The following SEZ6L variants were observed in gnomAD, a reference collection of about 807,000 sequenced individuals.
SEZ6L encodes seizure 6-like protein.
A neutral mutation model predicts 106.2 loss-of-function variants in SEZ6L; 37 were observed. The observed-to-expected ratio is 0.35, with a 90% CI of 0.27 to 0.46. SEZ6L has a LOEUF of 0.46. SEZ6L is among the 20% of genes least tolerant of loss of function. The probability of loss-of-function intolerance (pLI) is 1.00; values close to 1 mark genes in which losing one functional copy is unlikely to be tolerated. For missense variants in SEZ6L, 1,172 were observed against 1,332.8 expected (o/e 0.88, Z 1.88); for synonymous variants, 541 against 570.4 (o/e 0.95, Z 0.73).
intron 12 of SEZ6L, among the ~76,000 whole-genome samples, chr22:26,357,515 C>T (rs1441316127): frequency 1.3e-5 from 2 of 152,148 alleles, no homozygotes; most frequent in Admixed American, 6.5e-5. Flanking sequence ...TGTTTCTGTC[C>T]TCAGAATTCC....
chr22:26,361,163 G>A (rs1474268886), intron 12 of SEZ6L, among the ~76,000 whole-genome samples: 5 of 152,036 alleles, frequency 3.3e-5, no homozygotes, highest in Non-Finnish European at 5.9e-5. Flanking sequence ...ATTATACTGT[G>A]CAATCTAAAT....
intron 12 of SEZ6L, among the ~76,000 whole-genome samples, chr22:26,353,853 T>G (rs899858282): frequency 1.3e-5 from 2 of 152,086 alleles, no homozygotes; most frequent in African/African-American, 4.8e-5. Flanking sequence ...CCACAGTATC[T>G]GTAACCGTGA....
At chr22:26,178,177 C>G (rs1207875522) in intron 1 of SEZ6L, among the ~76,000 whole-genome samples, 2 of 152,162 alleles carry the variant, frequency 1.3e-5, no homozygotes, top group African/African-American at 4.8e-5. Context: ...ATGAAAGAGG[C>G]TTTGGTAGAA....
chr22:26,203,762 C>G (rs1409162416), intron 1 of SEZ6L, among the ~76,000 whole-genome samples: 1 of 152,262 alleles, frequency 6.6e-6, no homozygotes, highest in East Asian at 1.9e-4. Flanking sequence ...AGGTTTGGAA[C>G]CCTGGTATGT....
chr22:26,185,078 T>G (rs1939679965), intron 1 of SEZ6L, among the ~76,000 whole-genome samples: 1 of 152,204 alleles, frequency 6.6e-6, no homozygotes, highest in South Asian at 2.1e-4. Context: ...AGCAAGACTC[T>G]GTCCAAACAA....
intron 10 of SEZ6L, among the ~76,000 whole-genome samples, chr22:26,347,199 A>AATGATGATGATGATGATG (rs3071639): frequency 1.3e-3 from 194 of 149,842 alleles, no homozygotes; most frequent in African/African-American, 4.2e-3. Context: ...CTGTAAAAAT[A>AATGATGATGATGATGATG]ATGATGATGA....
chr22:26,373,488 G>T lies in SEZ6L; in HGVS notation c.2827+5G>T. The T allele has an allele frequency of 6.4e-7, 1 of 1,553,230 alleles. No individual in the cohort carries two copies. The highest frequency in any genetic ancestry group is 8.7e-7 in the Non-Finnish European group (1 of 1,153,224). Reference sequence around the variant, plus strand: ...GTTTTGAACATGCTTTAGAAGGTGAGTTCCAGAACGAAAAAAAAAAAAGTT... The same window carrying T: ...GTTTTGAACATGCTTTAGAAGGTGATTTCCAGAACGAAAAAAAAAAAAGTT... On this transcript the variant is annotated splice_donor_5th_base_variant and intron_variant, in intron 14 of 16. Coordinates refer to ENST00000248933, the MANE Select transcript of SEZ6L (RefSeq NM_021115.5).
At chr22:26,299,385 A>G (rs2081387505) in intron 5 of SEZ6L, among the ~76,000 whole-genome samples, 2 of 152,218 alleles carry the variant, frequency 1.3e-5, no homozygotes, top group South Asian at 4.1e-4. Context: ...TGTTCACGCT[A>G]TTGTGCAACC....
intron 8 of SEZ6L, among the ~76,000 whole-genome samples, 180 bp downstream of exon 8, chr22:26,312,142 C>G (rs1278362701): frequency 1.3e-5 from 2 of 152,170 alleles, no homozygotes; most frequent in African/African-American, 4.8e-5. Flanking sequence ...GAGAAAATTA[C>G]AAAATGGGTG....
At chr22:26,301,634 G>T (rs1934163512) in intron 5 of SEZ6L, among the ~76,000 whole-genome samples, 1 of 152,160 alleles carries the variant, frequency 6.6e-6, no homozygotes, top group Admixed American at 6.5e-5. Flanking sequence ...GACCTCACCT[G>T]GGAGGAGGAC....
At chr22:26,320,626 C>T (rs954315866) in intron 9 of SEZ6L, among the ~76,000 whole-genome samples, 5 of 152,178 alleles carry the variant, frequency 3.3e-5, no homozygotes, top group African/African-American at 7.2e-5. Context: ...GCCCCGCCCC[C>T]GGGGAGCCAT....
intron 1 of SEZ6L, among the ~76,000 whole-genome samples, chr22:26,220,437 C>T (rs1449553601): frequency 6.6e-6 from 1 of 152,140 alleles, no homozygotes; most frequent in African/African-American, 2.4e-5. Context: ...CTGTTGTGTC[C>T]CCATTGTGCA....
chr22:26,198,807 A>G (rs1347525584), intron 1 of SEZ6L, among the ~76,000 whole-genome samples: 1 of 152,216 alleles, frequency 6.6e-6, no homozygotes, highest in Non-Finnish European at 1.5e-5. Flanking sequence ...TGTGAAGCTG[A>G]GACTGCTCCC....
intron 1 of SEZ6L, among the ~76,000 whole-genome samples, chr22:26,205,831 A>G (rs915739779): frequency 3.9e-5 from 6 of 152,150 alleles, no homozygotes; most frequent in African/African-American, 1.4e-4. Flanking sequence ...TTTCTTTTCA[A>G]GCATTTCCCA....
chr22:26,362,621 G>A (rs1201262792), intron 12 of SEZ6L, among the ~76,000 whole-genome samples: 1 of 152,176 alleles, frequency 6.6e-6, no homozygotes, highest in Non-Finnish European at 1.5e-5. Context: ...TCACCGCATT[G>A]CTGGACGCAT....
intron 13 of SEZ6L, among the ~76,000 whole-genome samples, chr22:26,372,818 A>T (rs1441881686): frequency 6.6e-6 from 1 of 152,260 alleles, no homozygotes; most frequent in Non-Finnish European, 1.5e-5. Flanking sequence ...AAGCCTCATC[A>T]ATATAAAAGG....
intron 1 of SEZ6L, among the ~76,000 whole-genome samples, chr22:26,229,107 C>T (rs371666727): frequency 3.3e-5 from 5 of 152,322 alleles, no homozygotes; most frequent in African/African-American, 1.2e-4. Flanking sequence ...AGCGATTCTC[C>T]TGCCTCAGCC....
chr22:26,261,587 A>G (rs186561916), intron 1 of SEZ6L, among the ~76,000 whole-genome samples: 6 of 152,346 alleles, frequency 3.9e-5, no homozygotes, highest in Admixed American at 1.3e-4. Flanking sequence ...ATAGAGATGA[A>G]TCATAGTCCC....
chr22:26,179,557 C>G (rs1283792314), intron 1 of SEZ6L, among the ~76,000 whole-genome samples: 3 of 152,154 alleles, frequency 2.0e-5, no homozygotes, highest in Non-Finnish European at 2.9e-5. Flanking sequence ...GGAATAATGT[C>G]CAGTTGCTTA....
Sources: allele counts gnomAD v4.1 joint callset (sites outside exome capture counted in the v4.1 genomes callset), GRCh38; gene constraint gnomAD v4.1.1; transcripts MANE v1.5; gene names NCBI Gene and HGNC (gene_info 2026-07-23, HGNC 2026-07-21).